Variants in TENM4 observed in about 807,000 individuals in gnomAD.
The protein encoded by TENM4 is teneurin-4.
Under a neutral mutation model 243.3 loss-of-function variants are expected in TENM4, and 82 were observed. The ratio of observed to expected loss-of-function variants is 0.34; its 90% CI spans 0.28 to 0.40. The LOEUF (loss-of-function observed/expected upper bound fraction) is 0.40. Among genes scored for constraint, TENM4 ranks in the 10% least tolerant of loss-of-function variants. The pLI is 1.00. For missense variants in TENM4, 3,138 were observed against 3,673.3 expected, an observed-to-expected ratio of 0.85 and a Z score of 3.77; for synonymous variants, 1,412 against 1,456.3, an observed-to-expected ratio of 0.97 and a Z score of 0.69.
intron 15 of TENM4, among the ~76,000 whole-genome samples, chr11:78,794,190 G>A (rs1334542649): frequency 6.6e-6 from 1 of 152,166 alleles, no homozygotes; most frequent in Non-Finnish European, 1.5e-5. Context: ...AAAGCATCAG[G>A]GAAAGGAGGG....
intron 2 of TENM4, among the ~76,000 whole-genome samples, chr11:79,275,226 G>GGT (rs756371184): frequency 0.046 from 6,626 of 143,402 alleles, 421 homozygotes; most frequent in African/African-American, 0.15. Flanking sequence ...GTGTGAGCGG[G>GGT]GTGTGTGTGT....
At chr11:79,161,203 A>C (rs1862739792) in intron 3 of TENM4, among the ~76,000 whole-genome samples, 1 of 152,150 alleles carries the variant, frequency 6.6e-6, no homozygotes, top group Non-Finnish European at 1.5e-5. Flanking sequence ...ATCTCTGTTA[A>C]AGCAGCCACG....
intron 28 of TENM4, among the ~76,000 whole-genome samples, chr11:78,699,130 TAACAACAAC>T (rs35532822): frequency 4.6e-5 from 7 of 151,776 alleles, no homozygotes; most frequent in East Asian, 1.9e-4. Context: ...TTGCTTGCAT[TAACAACAAC>T]AACAACAACA....
intron 6 of TENM4, chr11:78,904,003 T>C (rs1856003509): frequency 2.8e-6 from 1 of 359,232 alleles, no homozygotes; most frequent in Non-Finnish European, 5.4e-6. Flanking sequence ...TGATGTATGC[T>C]AAAATTCTAG....
At chr11:78,865,719 G>C (rs4944215) in intron 9 of TENM4, among the ~76,000 whole-genome samples, 76,246 of 152,056 alleles carry the variant, frequency 0.5, 23,183 homozygotes, top group East Asian at 0.78. Context: ...GCTTCAGCCA[G>C]GAGGCCACGC....
At position 78,805,281 on chromosome 11, in the gene TENM4, C is replaced by CACCCACCCCACCCCACCCCA; in HGVS notation, c.2179+10_2179+11insTGGGGTGGGGTGGGGTGGGT. The stretch of plus-strand genomic sequence containing the variant: ...TCCCTCTACCCATGCTTCTTCTCCC[C>CACCCACCCCACCCCACCCCA]CTGCATTTACCGATAGAACAGTCGT... On this transcript the variant is annotated intron_variant, in intron 15 of 33. Coordinates refer to ENST00000278550, the MANE Select transcript of TENM4 (RefSeq NM_001098816.3). The CACCCACCCCACCCCACCCCA allele has an allele frequency of 6.7e-7, 1 of 1,488,494 alleles. No individual in the cohort carries two copies. The highest frequency in any genetic ancestry group is 9.1e-7 in the Non-Finnish European group (1 of 1,097,816). 92.2% of individuals were successfully genotyped at this position (1,488,494 alleles called of 1,614,324 possible). A position where few individuals can be genotyped will look rare whatever the true frequency, so the allele number is the denominator to read the frequency against.
chr11:78,817,349 A>G (rs1161399445), intron 12 of TENM4, among the ~76,000 whole-genome samples: 1 of 152,218 alleles, frequency 6.6e-6, no homozygotes, highest in Non-Finnish European at 1.5e-5. Context: ...TGAGTGGGCA[A>G]TTCCACTCAC....
At chr11:78,905,242 T>G (rs958015872) in intron 6 of TENM4, among the ~76,000 whole-genome samples, 1 of 152,190 alleles carries the variant, frequency 6.6e-6, no homozygotes, top group Non-Finnish European at 1.5e-5. Context: ...CTTCCTTGGA[T>G]AGGGAGAAGG....
rs73500683 is a variant in TENM4, at chr11:78,927,147, A to G, written c.494-23624T>C. ...GCTGTATGTTTGGAGCTTGTTTCTG[A>G]TGAATAATTTGCTTGCATGCATTGT... On this transcript the variant is annotated intron_variant, in intron 6 of 33. Coordinates refer to ENST00000278550, the MANE Select transcript of TENM4 (RefSeq NM_001098816.3). Among the ~76,000 whole-genome samples, 852 of 152,294 alleles carry G rather than the reference A, an allele frequency of 5.6e-3. 6 individuals carry two copies. Among genetic ancestry groups the G allele is most frequent in the African/African-American group, 0.02 (812 of 41,562 alleles).
intron 1 of TENM4, among the ~76,000 whole-genome samples, chr11:79,328,678 G>A (rs1352140192): frequency 6.6e-6 from 1 of 152,182 alleles, no homozygotes; most frequent in African/African-American, 2.4e-5. Flanking sequence ...TGGTGGACGA[G>A]GGGATCATCT....
chr11:79,130,594 C>T (rs1056442557), intron 4 of TENM4, among the ~76,000 whole-genome samples: 6 of 152,066 alleles, frequency 3.9e-5, no homozygotes, highest in Admixed American at 1.3e-4. Context: ...GAGGCCAAGG[C>T]GGGTGGATCA....
intron 28 of TENM4, among the ~76,000 whole-genome samples, chr11:78,695,758 C>A (rs1858945055): frequency 6.9e-6 from 1 of 144,466 alleles, no homozygotes; most frequent in Non-Finnish European, 1.5e-5. Flanking sequence ...TACCTTTGTT[C>A]CTCTTATAAA....
chr11:79,377,404 ACTCT>A (rs1194353836), intron 1 of TENM4, among the ~76,000 whole-genome samples: 2 of 151,510 alleles, frequency 1.3e-5, no homozygotes, highest in Admixed American at 6.6e-5. Context: ...CAGCTCTGAA[ACTCT>A]CTCTCTCAGA....
At chr11:78,664,950 A>T (rs1358491234) in intron 32 of TENM4, among the ~76,000 whole-genome samples, 1 of 152,234 alleles carries the variant, frequency 6.6e-6, no homozygotes, top group East Asian at 1.9e-4. Flanking sequence ...AAAAATGCTG[A>T]AAATGAATTT....
At chr11:78,998,298 G>A (rs768214353) in intron 6 of TENM4, among the ~76,000 whole-genome samples, 1 of 152,164 alleles carries the variant, frequency 6.6e-6, no homozygotes, top group African/African-American at 2.4e-5. Context: ...TAGCCTCTCT[G>A]AGCTTCACTT....
chr11:78,766,319 C>T (rs2135981727), intron 18 of TENM4, among the ~76,000 whole-genome samples: 1 of 152,310 alleles, frequency 6.6e-6, no homozygotes. Flanking sequence ...TTTACAGTGA[C>T]TTAGCATCTT....
rs1399657923 is a variant in TENM4, at chr11:78,732,372, G to T, written c.3082C>A (p.Leu1028Met). The T allele has an allele frequency of 1.9e-6, 3 of 1,613,888 alleles. No homozygotes were observed. The highest frequency in any genetic ancestry group is 2.7e-5 in the African/African-American group (2 of 74,928). Residue 1028 changes from leucine (L) to methionine (M), a missense_variant, in exon 21 of 34, where the codon CTG becomes ATG. Coordinates refer to ENST00000278550, the MANE Select transcript of TENM4 (RefSeq NM_001098816.3). ...RPNPVVSPSP[L>M]TSFASSCAEK... ...GCACAGGAGCTGGCGAAGGACGTCA[G>T]TGGGGATGGAGAGACGACTGGGTTG...
chr11:79,039,809 T>A (rs3851192), intron 6 of TENM4, among the ~76,000 whole-genome samples: 123,746 of 152,154 alleles, frequency 0.81, 50,790 homozygotes, highest in African/African-American at 0.85. Flanking sequence ...ATAAAATAAA[T>A]CAACAAACAA....
chr11:78,950,870 G>C (rs1438916958), intron 6 of TENM4, among the ~76,000 whole-genome samples: 2 of 152,226 alleles, frequency 1.3e-5, no homozygotes, highest in Admixed American at 6.5e-5. Context: ...TAGCTCTTCT[G>C]CTCTAGAGCC....
Sources: gnomAD v4.1 joint callset for allele counts (sites outside exome capture counted in the v4.1 genomes callset) on GRCh38, gnomAD v4.1.1 for gene constraint, MANE v1.5 for transcripts, NCBI Gene and HGNC (gene_info 2026-07-23, HGNC 2026-07-21) for gene names.